BCR: variants seen among roughly 807,000 people sequenced by gnomAD.
The protein encoded by BCR is BCR activator of RhoGEF and GTPase.
BCR carries 58 observed loss-of-function variants against 138.6 expected under a neutral mutation model. The observed-to-expected ratio is 0.42, with a 90% CI of 0.34 to 0.52. The LOEUF is 0.52. Ranked by LOEUF, BCR falls within the 20% of genes least tolerant of loss-of-function variation. BCR has a pLI of 0.06. For synonymous variants in BCR, 786 were observed against 730.1 expected, an observed-to-expected ratio of 1.08 and a Z score of -1.23; for missense variants, 1,599 against 1,727.2, an observed-to-expected ratio of 0.93 and a Z score of 1.32.
chr22:23,292,672 C>A (rs982721417), intron 15 of BCR, 34 bp downstream of exon 15: 20 of 1,546,954 alleles, frequency 1.3e-5, no homozygotes, highest in Middle Eastern at 3.4e-4. Context: ...CCCAGCCTGC[C>A]AGGTGGGGCA....
At chr22:23,183,216 T>C (rs554467210) in intron 1 of BCR, among the ~76,000 whole-genome samples, 17 of 152,282 alleles carry the variant, frequency 1.1e-4, no homozygotes, top group Non-Finnish European at 2.1e-4. Context: ...AGTTTGCCAT[T>C]GGGGTAAGGA....
chr22:23,232,910 G>C (rs1422111255), intron 1 of BCR, among the ~76,000 whole-genome samples: 1 of 152,218 alleles, frequency 6.6e-6, no homozygotes, highest in Non-Finnish European at 1.5e-5. Flanking sequence ...GCTTTGTTGG[G>C]TAAATGCAAA....
intron 1 of BCR, among the ~76,000 whole-genome samples, chr22:23,251,420 A>G (rs1297050725): frequency 4.6e-5 from 7 of 152,122 alleles, no homozygotes; most frequent in African/African-American, 1.7e-4. Flanking sequence ...AGGGCTGAGG[A>G]CACCTGTTAG....
At chr22:23,264,386 C>T in intron 4 of BCR, 1 of 822,850 alleles carries the variant, frequency 1.2e-6, no homozygotes, top group Non-Finnish European at 2.1e-6. Flanking sequence ...TGCCTGTGGG[C>T]CAAGGAGACC....
intron 1 of BCR, among the ~76,000 whole-genome samples, chr22:23,205,426 G>A (rs1488961546): frequency 1.3e-5 from 2 of 152,186 alleles, no homozygotes; most frequent in African/African-American, 4.8e-5. Flanking sequence ...TCTCTGGAAG[G>A]CTTGCAGGAG....
intron 16 of BCR, among the ~76,000 whole-genome samples, chr22:23,297,205 TTGTTTTTTG>T (rs1235593636): frequency 7.9e-6 from 1 of 125,956 alleles, no homozygotes; most frequent in African/African-American, 3.6e-5. Flanking sequence ...CCTGGCTAAG[TTGTTTTTTG>T]TTTTTTGTTT....
intron 1 of BCR, among the ~76,000 whole-genome samples, chr22:23,185,221 G>T (rs565700808): frequency 3.3e-5 from 5 of 152,320 alleles, no homozygotes; most frequent in East Asian, 3.9e-4. Flanking sequence ...TGTTCCGTTT[G>T]GCACGTGGTG....
intron 1 of BCR, among the ~76,000 whole-genome samples, chr22:23,189,793 C>G (rs116190920): frequency 0.01 from 1,569 of 152,316 alleles, 28 homozygotes; most frequent in African/African-American, 0.036. Flanking sequence ...AGCCACCGCT[C>G]CTAGCCTAGC....
intron 1 of BCR, among the ~76,000 whole-genome samples, chr22:23,245,674 A>G (rs537023239): frequency 2.0e-5 from 3 of 152,214 alleles, no homozygotes; most frequent in Admixed American, 2.0e-4. Context: ...GAAAGCACTC[A>G]CTGCATGTGG....
At position 23,311,694 on chromosome 22, in the gene BCR, C is replaced by A. The variant is rs755325608; in HGVS notation, c.3183-3C>A. 16 of 1,599,416 alleles carry A rather than the reference C, an allele frequency of 1.0e-5. No homozygotes were observed. The South Asian group carries it at 1.8e-4, about 18-fold the overall frequency. ...ACACTGAGAACATTCCCTCCTCCCG[C>A]AGGAGAGAGAGGTCCAAGGTGCCCT... On this transcript the variant is annotated splice_region_variant and splice_polypyrimidine_tract_variant and intron_variant, in intron 18 of 22. Transcript: ENST00000305877.
rs1054867241 is a variant in BCR at position 23,289,422 on chromosome 22, C to A, written c.2603-95C>A. ...CCCTGGCACCAGTTCTTGCCGTGCC[C>A]CTTCCCCAGGGTGTGTGGTGGAGGT... On this transcript the variant is annotated intron_variant, in intron 12 of 22. Coordinates refer to ENST00000305877, the MANE Select transcript of BCR (RefSeq NM_004327.4). 5.6e-6 allele frequency: 6 copies of A among 1,071,034 alleles called. No homozygotes were observed. In the African/African-American group the frequency reaches 9.4e-5, roughly 17 times the overall value. The allele number at this position is 1,071,034 out of a possible 1,614,324, so 66.3% of individuals were successfully genotyped here.
At chr22:23,208,203 T>C (rs7285367) in intron 1 of BCR, among the ~76,000 whole-genome samples, 10,346 of 152,218 alleles carry the variant, frequency 0.068, 1,177 homozygotes, top group African/African-American at 0.23. Context: ...CTCTGGCATT[T>C]GTGAGAACCT....
intron 15 of BCR, among the ~76,000 whole-genome samples, chr22:23,293,586 C>CTTCTT (rs2073813466): frequency 6.6e-6 from 1 of 152,118 alleles, no homozygotes; most frequent in African/African-American, 2.4e-5. Flanking sequence ...GGGGATCCAT[C>CTTCTT]GAAGAAGCCT....
intron 6 of BCR, 126 bp downstream of exon 6, chr22:23,271,718 T>G (rs772891131): frequency 1.6e-5 from 14 of 894,214 alleles, no homozygotes; most frequent in Non-Finnish European, 2.5e-5. Flanking sequence ...CCCTGTTCTC[T>G]CTTCAGATAG....
Position 23,317,155 on chromosome 22 carries a change from C to A in BCR, c.*1633C>A. On this transcript the variant is annotated 3_prime_UTR_variant, in exon 23 of 23. Transcript: ENST00000305877. ...CAGCTCCTGCTGAACCCGCAGCTCA[C>A]TAGGGAGCCTGACAGTGGGGCCATG... is the stretch of plus-strand genomic sequence containing the variant. 1 of 191,858 alleles carries A rather than the reference C, an allele frequency of 5.2e-6. No individual in the cohort carries two copies. The highest frequency in any genetic ancestry group is 8.5e-5 in the East Asian group (1 of 11,738). 11.9% of individuals were successfully genotyped at this position (191,858 alleles called of 1,614,324 possible). A position where few individuals can be genotyped will look rare whatever the true frequency, so the allele number is the denominator to read the frequency against.
chr22:23,216,244 A>G (rs893959556), intron 1 of BCR, among the ~76,000 whole-genome samples: 4 of 152,202 alleles, frequency 2.6e-5, no homozygotes, highest in Non-Finnish European at 4.4e-5. Context: ...AAATCATGCT[A>G]CAAGGATGTC....
chr22:23,241,287 C>G (rs1045970491), intron 1 of BCR, among the ~76,000 whole-genome samples: 1 of 152,220 alleles, frequency 6.6e-6, no homozygotes, highest in Admixed American at 6.5e-5. Context: ...GCCCCGGGCT[C>G]AGGGTGGTGA....
At position 23,181,060 on chromosome 22, in the gene BCR, G is replaced by A. The variant is rs756576647; in HGVS notation, c.100G>A (p.Glu34Lys). The A allele has an allele frequency of 1.3e-6, 2 of 1,523,790 alleles. No individual in the cohort carries two copies. Among genetic ancestry groups the A allele is most frequent in the Non-Finnish European group, 1.8e-6 (2 of 1,130,826 alleles). 94.4% of individuals were successfully genotyped at this position (1,523,790 alleles called of 1,614,324 possible). ...ELRSVGDIEQELERCKASIRR... is the reference protein window; with the variant it reads ...ELRSVGDIEQKLERCKASIRR... ...GCGCTCAGTGGGCGACATCGAGCAG[G>A]AGCTGGAGCGCTGCAAGGCCTCCAT... Residue 34 changes from glutamate (E) to lysine (K), a missense_variant, in exon 1 of 23, where the codon GAG becomes AAG. Transcript: ENST00000305877.
At chr22:23,293,075 G>A (rs1175676874) in intron 15 of BCR, among the ~76,000 whole-genome samples, 1 of 152,010 alleles carries the variant, frequency 6.6e-6, no homozygotes, top group Non-Finnish European at 1.5e-5. Context: ...GGGGTGTTGG[G>A]TTTGTATTGT....
Sources: allele counts gnomAD v4.1 joint callset (sites outside exome capture counted in the v4.1 genomes callset), GRCh38; gene constraint gnomAD v4.1.1; transcripts MANE v1.5; gene names NCBI Gene and HGNC (gene_info 2026-07-23, HGNC 2026-07-21).